SEL1L3: variants seen among roughly 807,000 people sequenced by gnomAD.
SEL1L3 encodes the protein SEL1L family member 3, also known as protein sel-1 homolog 3.
A neutral mutation model predicts 142.8 loss-of-function variants in SEL1L3; 76 were observed. That is an observed-to-expected ratio of 0.53 (90% CI 0.44 to 0.64). The LOEUF is 0.64. Ranked by LOEUF, SEL1L3 falls within the 30% of genes least tolerant of loss-of-function variation. The pLI is 0.00. For missense variants in SEL1L3, 1,262 were observed against 1,381.7 expected (o/e 0.91, Z 1.37); for synonymous variants, 504 against 519.6 (o/e 0.97, Z 0.41).
downstream of SEL1L3, among the ~76,000 whole-genome samples, chr4:25,746,686 A>T (rs998793285): frequency 4.0e-5 from 6 of 151,620 alleles, no homozygotes; most frequent in Admixed American, 3.3e-4. Context: ...GCCACGTAAG[A>T]CATGTCTGCT....
chr4:25,802,225 T>C lies in SEL1L3; in HGVS notation c.1956+58A>G, dbSNP rs185538134. The C allele has an allele frequency of 4.7e-6, 7 of 1,499,734 alleles. No individual in the cohort carries two copies. In the East Asian group the frequency reaches 1.4e-4, roughly 29 times the overall value. 92.9% of individuals were successfully genotyped at this position (1,499,734 alleles called of 1,614,324 possible). On this transcript the variant is annotated intron_variant, in intron 11 of 23. Coordinates refer to ENST00000399878, the MANE Select transcript of SEL1L3 (RefSeq NM_015187.5). The stretch of plus-strand genomic sequence containing the variant: ...CAAAAGCAACCACAGGGGCAGACAC[T>C]TCATGAAAGCAGGTAAACAGGGCCA...
At chr4:25,858,419 G>A (rs761725679) in intron 1 of SEL1L3, among the ~76,000 whole-genome samples, 30 of 152,308 alleles carry the variant, frequency 2.0e-4, no homozygotes, top group Admixed American at 9.2e-4. Flanking sequence ...ACATAGTGAG[G>A]GGTTAATGAA....
chr4:25,735,861 GCTCTGTCGC>G, the SEL1L3 span, among the ~76,000 whole-genome samples: 1 of 138,224 alleles, frequency 7.2e-6, no homozygotes, highest in African/African-American at 2.7e-5. Context: ...ATGGAGTCTG[GCTCTGTCGC>G]CCAGGCTGGA....
intron 21 of SEL1L3, 35 bp downstream of exon 21, chr4:25,758,906 C>G (rs888945909): frequency 1.9e-6 from 3 of 1,585,516 alleles, no homozygotes; most frequent in Admixed American, 3.8e-5. Context: ...CTTGGGTTCC[C>G]TCAGATTCCA....
intron 11 of SEL1L3, among the ~76,000 whole-genome samples, chr4:25,794,247 T>C (rs60702938): frequency 0.022 from 3,396 of 152,228 alleles, 125 homozygotes; most frequent in African/African-American, 0.077. Flanking sequence ...ACCTACAGAA[T>C]GGGAAAACAT....
chr4:25,863,141 CG>C (rs1717865746), upstream of SEL1L3, among the ~76,000 whole-genome samples: 1 of 141,472 alleles, frequency 7.1e-6, no homozygotes, highest in African/African-American at 2.6e-5. Flanking sequence ...CTCGGAGCAG[CG>C]GGCGCCCACG....
chr4:25,806,369 C>T (rs1239102951), intron 9 of SEL1L3, among the ~76,000 whole-genome samples: 5 of 151,528 alleles, frequency 3.3e-5, no homozygotes, highest in African/African-American at 1.2e-4. Flanking sequence ...CAGGAGGCAA[C>T]GAGAGAGACT....
chr4:25,850,380 T>C (rs1716802266), intron 1 of SEL1L3, among the ~76,000 whole-genome samples: 1 of 152,146 alleles, frequency 6.6e-6, no homozygotes, highest in African/African-American at 2.4e-5. Flanking sequence ...AAACTGAAAC[T>C]GCACTGAGAT....
intron 20 of SEL1L3, among the ~76,000 whole-genome samples, chr4:25,761,807 T>C (rs1718395073): frequency 6.6e-6 from 1 of 152,226 alleles, no homozygotes; most frequent in Admixed American, 6.5e-5. Flanking sequence ...CAAAATTAAA[T>C]CATGAAAGCA....
chr4:25,815,357 C>T (rs1714323650), intron 9 of SEL1L3, among the ~76,000 whole-genome samples: 3 of 152,146 alleles, frequency 2.0e-5, no homozygotes, highest in Admixed American at 6.5e-5. Context: ...GGTTCTGCAG[C>T]GCCCATACCC....
chr4:25,808,360 A>G (rs116163974), intron 9 of SEL1L3, among the ~76,000 whole-genome samples: 1,777 of 152,200 alleles, frequency 0.012, 31 homozygotes, highest in African/African-American at 0.039. Flanking sequence ...AGAATCATTT[A>G]TTTTGCTTTT....
At chr4:25,774,497 C>T (rs1719466048) in intron 17 of SEL1L3, among the ~76,000 whole-genome samples, 1 of 152,204 alleles carries the variant, frequency 6.6e-6, no homozygotes, top group Non-Finnish European at 1.5e-5. Flanking sequence ...GAACAAGCCA[C>T]AGAAATCTTA....
chr4:25,807,433 T>C (rs1713666435), intron 9 of SEL1L3, among the ~76,000 whole-genome samples: 1 of 152,132 alleles, frequency 6.6e-6, no homozygotes, highest in South Asian at 2.1e-4. Flanking sequence ...AATAAGAACG[T>C]GGAATACACT....
chr4:25,764,051 A>G (rs553707470), intron 20 of SEL1L3, among the ~76,000 whole-genome samples: 4 of 152,356 alleles, frequency 2.6e-5, no homozygotes, highest in African/African-American at 9.6e-5. Flanking sequence ...GAATAAGGGA[A>G]ATTGAGAATC....
At chr4:25,755,023 T>C (rs1033762690) in intron 23 of SEL1L3, among the ~76,000 whole-genome samples, 9 of 152,166 alleles carry the variant, frequency 5.9e-5, no homozygotes, top group Admixed American at 2.6e-4. Context: ...TTTTAAAGTA[T>C]TGTGATGCTG....
chr4:25,860,900 C>A (rs954558436), intron 1 of SEL1L3, among the ~76,000 whole-genome samples: 1 of 152,224 alleles, frequency 6.6e-6, no homozygotes, highest in African/African-American at 2.4e-5. Context: ...TCCCTCTGTT[C>A]TCTTAATCCC....
downstream of SEL1L3, among the ~76,000 whole-genome samples, chr4:25,746,019 T>C (rs1483375986): frequency 1.3e-5 from 2 of 152,336 alleles, no homozygotes; most frequent in Non-Finnish European, 1.5e-5. Flanking sequence ...ATAGTTTGGA[T>C]ATTTGCTTTG....
the SEL1L3 span, among the ~76,000 whole-genome samples, chr4:25,737,240 C>T: frequency 2.0e-4 from 30 of 152,158 alleles, no homozygotes; most frequent in Admixed American, 5.9e-4. Flanking sequence ...GCCTTGGCCT[C>T]GTAAAGTGCT....
At chr4:25,782,698 C>T (rs6448403) in intron 14 of SEL1L3, among the ~76,000 whole-genome samples, 104,128 of 152,012 alleles carry the variant, frequency 0.68, 36,985 homozygotes, top group African/African-American at 0.88. Context: ...TGGGCTCTTA[C>T]GCAACACGCT....
Sources: gnomAD v4.1 joint callset for allele counts (sites outside exome capture counted in the v4.1 genomes callset) on GRCh38, gnomAD v4.1.1 for gene constraint, MANE v1.5 for transcripts, NCBI Gene and HGNC (gene_info 2026-07-23, HGNC 2026-07-21) for gene names.